DDX18: variants seen among roughly 807,000 people sequenced by gnomAD.
DDX18 encodes ATP-dependent RNA helicase DDX18.
Under a neutral mutation model 73.5 loss-of-function variants are expected in DDX18, and 23 were observed. The ratio of observed to expected loss-of-function variants is 0.31; its 90% confidence interval spans 0.23 to 0.44. The LOEUF (loss-of-function observed/expected upper bound fraction) is 0.44. Ranked by LOEUF, DDX18 falls within the 20% of genes least tolerant of loss-of-function variation. The pLI is 1.00. For synonymous variants in DDX18, 268 were observed against 282.7 expected (o/e 0.95, Z 0.52); for missense variants, 753 against 792.9 (o/e 0.95, Z 0.60).
Position 117,826,281 on chromosome 2 carries a change from C to T in DDX18, c.1534C>T (p.Arg512Cys), listed in dbSNP as rs781521649. 7 of 1,613,532 alleles carry T rather than the reference C, an allele frequency of 4.3e-6. No homozygotes were observed. In the Admixed American group the frequency reaches 5.0e-5, roughly 12 times the overall value. The change falls in exon 11 of 14, where the codon CGT (arginine) becomes TGT (cysteine). Residue 512 changes from arginine to cysteine, a missense_variant. Arg to Cys is a radical substitution (Grantham distance 180). Coordinates refer to ENST00000263239, the MANE Select transcript of DDX18 (RefSeq NM_006773.4). ...TTCTCCACCAAAGGAATATATTCAT[C>T]GTGTGGGTAGAACAGCCAGAGGCCT... ...PPDDPKEYIH[R>C]VGRTARGLNG...
intron 4 of DDX18, 121 bp downstream of exon 4, chr2:117,821,417 A>G (rs1227673171): frequency 6.1e-6 from 8 of 1,301,940 alleles, no homozygotes; most frequent in Non-Finnish European, 8.5e-6. Context: ...TCCAGCATAC[A>G]TTAAAGGCTT....
chr2:117,821,622 C>T (rs1225053909), intron 4 of DDX18, 28 bp from the exon 5 acceptor site: 21 of 1,612,212 alleles, frequency 1.3e-5, no homozygotes, highest in Non-Finnish European at 1.5e-5. Flanking sequence ...GGCTAAATGT[C>T]TTTCTCCTTT....
chr2:117,817,757 C>A (rs750373630), intron 2 of DDX18, 29 bp downstream of exon 2: 3 of 1,566,030 alleles, frequency 1.9e-6, no homozygotes, highest in East Asian at 4.5e-5. Flanking sequence ...TGAACTTCAG[C>A]CATTTAGTTT....
rs79882424 is a variant in DDX18 at position 117,815,203 on chromosome 2, C to T, written c.85+341C>T. The T allele has an allele frequency of 3.0e-3, 837 of 281,378 alleles. 6 individuals carry two copies. The highest frequency in any genetic ancestry group is 0.016 in the African/African-American group (744 of 45,692). 17.4% of individuals were successfully genotyped at this position (281,378 alleles called of 1,614,324 possible). On this transcript the variant is annotated intron_variant, in intron 1 of 13. Coordinates refer to ENST00000263239, the MANE Select transcript of DDX18 (RefSeq NM_006773.4). ...ACCACCTGCAAGTCGCACCTCACCT[C>T]ATCCCTCATTTCCGGTTATGCTGCA...
At chr2:117,819,421 T>C (rs945064473) in intron 2 of DDX18, among the ~76,000 whole-genome samples, 2 of 152,218 alleles carry the variant, frequency 1.3e-5, no homozygotes, top group Non-Finnish European at 1.5e-5. Context: ...TTATACTGTT[T>C]AGTTGAACAA....
At position 117,824,551 on chromosome 2, in the gene DDX18, TA is replaced by T. The variant is rs1289526777; in HGVS notation, c.1067-17del. 4.4e-6 allele frequency: 6 copies of T among 1,357,246 alleles called. No individual in the cohort carries two copies. The highest frequency in any genetic ancestry group is 5.7e-6 in the Non-Finnish European group (6 of 1,047,748). The allele number at this position is 1,357,246 out of a possible 1,614,324, so 84.1% of individuals were successfully genotyped here. On this transcript the variant is annotated splice_polypyrimidine_tract_variant and intron_variant, in intron 7 of 13. Coordinates refer to ENST00000263239, the MANE Select transcript of DDX18 (RefSeq NM_006773.4). ...TTCCCTAAAAGATTGGGGTTATTTT[TA>T]TATGTATCTGTTTCAGCACGTAGAC...
At position 117,814,870 on chromosome 2, in the gene DDX18, G is replaced by T; in HGVS notation, c.85+8G>T. ...GGAACCTAAAGTTTCAGGGTGAGAT[G>T]CGTTGACTCGCGGTGGCTCAGAAGA... is the stretch of plus-strand genomic sequence containing the variant. On this transcript the variant is annotated splice_region_variant and intron_variant, in intron 1 of 13. Transcript: ENST00000263239. 2 of 1,614,064 alleles carry T rather than the reference G, an allele frequency of 1.2e-6. No individual in the cohort carries two copies. The highest frequency in any genetic ancestry group is 1.3e-5 in the African/African-American group (1 of 75,046).
rs777930193 is a variant in DDX18 at position 117,821,953 on chromosome 2, C to T, written c.843C>T (p.Thr281=). ...AGCTGATGACTCACCACGTGCATAC[C>T]TATGGCTTGATAATGGGTGGCAGTA... ...LKELMTHHVH[T]YGLIMGGSNR... is the part of the protein sequence containing the mutation. Residue 281 remains threonine (T), a synonymous_variant, in exon 6 of 14, where the codon ACC becomes ACT. Coordinates refer to ENST00000263239, the MANE Select transcript of DDX18 (RefSeq NM_006773.4). 43 of 1,614,056 alleles carry T rather than the reference C, an allele frequency of 2.7e-5. No individual in the cohort carries two copies. The highest frequency in any genetic ancestry group is 1.5e-4 in the Admixed American group (9 of 60,010).
chr2:117,822,279 G>A lies in DDX18; in HGVS notation c.1066+18G>A. On this transcript the variant is annotated intron_variant, in intron 7 of 13. Transcript: ENST00000263239. ...TTTGCCAAGTAAGTAGGTAGCATCT[G>A]CATTTGGTTTGCAAAGTATCTGTTG... 6.3e-7 allele frequency: 1 copy of A among 1,591,114 alleles called. No homozygotes were observed. Among genetic ancestry groups the A allele is most frequent in the East Asian group, 2.2e-5 (1 of 44,766 alleles).
At position 117,828,972 on chromosome 2, in the gene DDX18, T is replaced by C. The variant is rs2104627423; in HGVS notation, c.1659T>C (p.Phe553=). The C allele has an allele frequency of 1.2e-6, 2 of 1,612,626 alleles. No individual in the cohort carries two copies. The highest frequency in any genetic ancestry group is 8.5e-7 in the Non-Finnish European group (1 of 1,178,736). ...AGGTTCCATTAAGTGAATTTGACTTTTCCTGGTCTAAAATTTCTGACATTC... is the reference window on the plus strand; with the variant it reads ...AGGTTCCATTAAGTGAATTTGACTTCTCCTGGTCTAAAATTTCTGACATTC... The part of the protein sequence containing the change: ...QSKVPLSEFD[F]SWSKISDIQS... Residue 553 remains phenylalanine, a synonymous_variant, in exon 12 of 14, where the codon TTT becomes TTC. Transcript: ENST00000263239.
intron 9 of DDX18, 21 bp from the exon 10 acceptor site, chr2:117,825,426 G>T (rs1679909632): frequency 1.9e-6 from 3 of 1,604,690 alleles, no homozygotes; most frequent in Non-Finnish European, 2.6e-6. Context: ...AGCTCTAATG[G>T]ATGTTTTTAT....
intron 3 of DDX18, 132 bp downstream of exon 3, chr2:117,819,924 A>C: frequency 1.2e-6 from 1 of 807,824 alleles, no homozygotes; most frequent in East Asian, 3.3e-5. Flanking sequence ...AACTTTTTTT[A>C]TATCTTTCTG....
chr2:117,819,271 C>T (rs1008333455), intron 2 of DDX18, among the ~76,000 whole-genome samples: 2 of 152,120 alleles, frequency 1.3e-5, no homozygotes, highest in Admixed American at 6.6e-5. Context: ...TACAGTCTAT[C>T]TCTAGTAACA....
chr2:117,830,353 CTA>C (rs1477759442), intron 13 of DDX18, among the ~76,000 whole-genome samples: 3 of 152,114 alleles, frequency 2.0e-5, no homozygotes, highest in Non-Finnish European at 4.4e-5. Flanking sequence ...ATTAATATGA[CTA>C]TTACACACCG....
At chr2:117,814,916 C>A (rs1385982080) in intron 1 of DDX18, 54 bp downstream of exon 1, 1 of 1,595,028 alleles carries the variant, frequency 6.3e-7, no homozygotes, top group African/African-American at 1.3e-5. Flanking sequence ...AGCCCTGGCG[C>A]GTTCGGGCGG....
chr2:117,829,276 C>A lies in DDX18; in HGVS notation c.1693-13C>A, dbSNP rs770273838. 1.1e-5 allele frequency: 18 copies of A among 1,572,088 alleles called. No homozygotes were observed. The highest frequency in any genetic ancestry group is 1.5e-5 in the Non-Finnish European group (17 of 1,163,330). On this transcript the variant is annotated splice_polypyrimidine_tract_variant and intron_variant, in intron 12 of 13. Transcript: ENST00000263239. ...TTTTTGTTTATTAAAACCAGTGTTT[C>A]TTTCTATTTCAGCTTGAGAAATTGA...
chr2:117,821,573 T>C, intron 4 of DDX18, 77 bp from the exon 5 acceptor site: 1 of 1,483,178 alleles, frequency 6.7e-7, no homozygotes, highest in Non-Finnish European at 9.4e-7. Context: ...CTAGCCGTAG[T>C]GCCTAAGGTG....
At chr2:117,827,353 TAC>T (rs1283598787) in intron 11 of DDX18, 1 of 152,170 alleles carries the variant, frequency 6.6e-6, no homozygotes, top group Non-Finnish European at 1.5e-5. Context: ...TTATTATTAT[TAC>T]ACTTTAAGTT....
intron 2 of DDX18, 24 bp downstream of exon 2, chr2:117,817,752 T>C (rs184409876): frequency 1.3e-6 from 2 of 1,570,702 alleles, no homozygotes; most frequent in African/African-American, 2.8e-5. Context: ...ATCTTTGAAC[T>C]TCAGCCATTT....
Sources: gnomAD v4.1 joint callset for allele counts (sites outside exome capture counted in the v4.1 genomes callset) on GRCh38, gnomAD v4.1.1 for gene constraint, MANE v1.5 for transcripts, NCBI Gene and HGNC (gene_info 2026-07-23, HGNC 2026-07-21) for gene names.